ANO4: variants seen among roughly 807,000 people sequenced by gnomAD.
The protein encoded by ANO4 is anoctamin-4.
A neutral mutation model predicts 141.9 loss-of-function variants in ANO4; 69 were observed. The ratio of observed to expected loss-of-function variants is 0.49; its 90% CI spans 0.40 to 0.59. ANO4 has a LOEUF of 0.59. ANO4 is among the 20% of genes least tolerant of loss of function. ANO4 has a pLI of 0.00. For synonymous variants in ANO4, 350 were observed against 394.3 expected, an observed-to-expected ratio of 0.89 and a Z score of 1.33; for missense variants, 894 against 1,162.2, an observed-to-expected ratio of 0.77 and a Z score of 3.36.
intron 14 of ANO4, among the ~76,000 whole-genome samples, chr12:101,054,746 C>A (rs149545329): frequency 1.3e-5 from 2 of 152,310 alleles, no homozygotes; most frequent in South Asian, 4.1e-4. Flanking sequence ...GTGATCCGCC[C>A]GCCTTGGCCT....
intron 5 of ANO4, among the ~76,000 whole-genome samples, chr12:100,942,890 C>T (rs1181086543): frequency 6.6e-6 from 1 of 152,188 alleles, no homozygotes; most frequent in Non-Finnish European, 1.5e-5. Flanking sequence ...AATCCAGTCA[C>T]TCTCTCTAGA....
intron 3 of ANO4, among the ~76,000 whole-genome samples, chr12:100,745,491 G>T (rs992378369): frequency 1.3e-5 from 2 of 152,206 alleles, no homozygotes; most frequent in Non-Finnish European, 2.9e-5. Flanking sequence ...TGTTCGCTCA[G>T]TGCAGAGCTT....
At chr12:100,755,153 C>T (rs1291873911) in intron 3 of ANO4, among the ~76,000 whole-genome samples, 1 of 152,094 alleles carries the variant, frequency 6.6e-6, no homozygotes, top group East Asian at 1.9e-4. Context: ...GGGGTTCATG[C>T]CCCTCATGGT....
intron 3 of ANO4, among the ~76,000 whole-genome samples, chr12:100,760,015 G>A (rs1215957678): frequency 6.6e-6 from 1 of 152,164 alleles, no homozygotes; most frequent in East Asian, 1.9e-4. Context: ...AGACATGACT[G>A]ATAGCTTTGA....
chr12:100,993,327 AAGGTGGGCCTAC>A (rs1162273178), intron 8 of ANO4, among the ~76,000 whole-genome samples: 2 of 152,316 alleles, frequency 1.3e-5, no homozygotes, highest in East Asian at 3.9e-4. Context: ...TGAGCTTACC[AAGGTGGGCCTAC>A]AGGTAGAAAA....
intron 2 of ANO4, among the ~76,000 whole-genome samples, chr12:100,919,734 A>G (rs973746261): frequency 4.0e-4 from 53 of 133,626 alleles, no homozygotes; most frequent in African/African-American, 1.4e-3. Flanking sequence ...GTGTGTATGT[A>G]TGTATCTATC....
chr12:100,870,588 T>G (rs1414049395), intron 1 of ANO4, among the ~76,000 whole-genome samples: 1 of 152,164 alleles, frequency 6.6e-6, no homozygotes, highest in Non-Finnish European at 1.5e-5. Flanking sequence ...TATAATTTAT[T>G]TTAATCCCTT....
intron 14 of ANO4, chr12:101,068,244 C>G: frequency 4.2e-6 from 6 of 1,415,920 alleles, no homozygotes; most frequent in Admixed American, 2.3e-5. Flanking sequence ...TAGAAAACAT[C>G]GCTTCTGGGA....
chr12:101,075,292 A>G (rs775538960), intron 14 of ANO4, among the ~76,000 whole-genome samples: 3 of 152,186 alleles, frequency 2.0e-5, no homozygotes, highest in Admixed American at 6.5e-5. Context: ...GGGCAGAGCG[A>G]GTTGGGCTTA....
At chr12:100,779,816 G>A (rs1359202399) in intron 3 of ANO4, among the ~76,000 whole-genome samples, 7 of 152,160 alleles carry the variant, frequency 4.6e-5, no homozygotes, top group Non-Finnish European at 8.8e-5. Context: ...CATAGTAGGT[G>A]CTTGCCATGT....
At chr12:100,932,723 C>T (rs1308756250) in intron 3 of ANO4, among the ~76,000 whole-genome samples, 1 of 152,146 alleles carries the variant, frequency 6.6e-6, no homozygotes, top group Non-Finnish European at 1.5e-5. Context: ...TGGTCCTCTC[C>T]TGACTTTTCT....
In ANO4 at chr12:100,890,216, C is replaced by T. The variant is rs145536527; in HGVS notation, c.-140-11430C>T. 1.8e-3 allele frequency among the ~76,000 whole-genome samples: 275 copies of T among 152,236 alleles called. 1 individual carries two copies. The highest frequency in any genetic ancestry group is 6.3e-3 in the African/African-American group (262 of 41,556). Reference sequence around the variant, plus strand: ...TTTTGTAAAAGAGGAAATTGAAGCTCACGTAGTAACTCAATCATAACTCAT... The same window carrying T: ...TTTTGTAAAAGAGGAAATTGAAGCTTACGTAGTAACTCAATCATAACTCAT... On this transcript the variant is annotated intron_variant, in intron 1 of 27. Coordinates refer to ENST00000392977, the MANE Select transcript of ANO4 (RefSeq NM_001286615.2).
intron 7 of ANO4, among the ~76,000 whole-genome samples, chr12:100,980,019 C>T (rs935888328): frequency 2.4e-4 from 36 of 151,618 alleles, no homozygotes; most frequent in African/African-American, 8.0e-4. Context: ...GGATTACAGG[C>T]GTGAGCCACC....
chr12:100,824,754 A>G (rs557713291), intron 1 of ANO4, among the ~76,000 whole-genome samples: 2 of 152,196 alleles, frequency 1.3e-5, no homozygotes, highest in Admixed American at 1.3e-4. Context: ...CGCAGAGGAA[A>G]TGGCTTCACA....
At chr12:101,092,402 A>G (rs890618485) in intron 17 of ANO4, among the ~76,000 whole-genome samples, 1 of 152,200 alleles carries the variant, frequency 6.6e-6, no homozygotes, top group African/African-American at 2.4e-5. Context: ...TGCAGCATCC[A>G]GTTTGGAAAC....
chr12:100,828,703 G>A (rs2036488173), intron 1 of ANO4, among the ~76,000 whole-genome samples: 1 of 151,974 alleles, frequency 6.6e-6, no homozygotes, highest in Admixed American at 6.6e-5. Context: ...GGTGGAAGGT[G>A]GAGATAGAAA....
chr12:100,987,754 G>C, intron 8 of ANO4, 84 bp downstream of exon 8: 3 of 1,549,276 alleles, frequency 1.9e-6, no homozygotes, highest in South Asian at 1.2e-5. Flanking sequence ...TGATTCCTGG[G>C]CATGAGGAAG....
intron 22 of ANO4, among the ~76,000 whole-genome samples, chr12:101,109,251 C>T (rs1006123198): frequency 1.3e-5 from 2 of 152,142 alleles, no homozygotes; most frequent in Non-Finnish European, 2.9e-5. Context: ...GTGATATTTA[C>T]TTTGATCACT....
chr12:100,977,214 T>G (rs1253403655), intron 7 of ANO4, among the ~76,000 whole-genome samples: 1 of 152,194 alleles, frequency 6.6e-6, no homozygotes, highest in Non-Finnish European at 1.5e-5. Context: ...CAGAAGGGTA[T>G]CCTTCTATTC....
Sources: allele counts gnomAD v4.1 joint callset (sites outside exome capture counted in the v4.1 genomes callset), GRCh38; gene constraint gnomAD v4.1.1; transcripts MANE v1.5; gene names NCBI Gene and HGNC (gene_info 2026-07-23, HGNC 2026-07-21).